The following IKZF3 variants were observed in gnomAD, a reference collection of about 807,000 sequenced individuals.
IKZF3 encodes the protein IKAROS family zinc finger 3, also known as zinc finger protein Aiolos.
Under a neutral mutation model 49.0 loss-of-function variants are expected in IKZF3, and 10 were observed. That is an observed-to-expected ratio of 0.20 (90% CI 0.13 to 0.35). The LOEUF (loss-of-function observed/expected upper bound fraction) is 0.35. IKZF3 is among the 10% of genes least tolerant of loss of function. IKZF3 has a pLI of 1.00. For missense variants in IKZF3, 498 were observed against 664.8 expected, an observed-to-expected ratio of 0.75 and a Z score of 2.76; for synonymous variants, 209 against 228.2, an observed-to-expected ratio of 0.92 and a Z score of 0.76.
intron 7 of IKZF3, among the ~76,000 whole-genome samples, chr17:39,771,460 A>G (rs574314916): frequency 4.1e-4 from 62 of 152,360 alleles, no homozygotes; most frequent in South Asian, 1.0e-3. Flanking sequence ...TTTCATGACA[A>G]ATCAGTATCC....
intron 1 of IKZF3, among the ~76,000 whole-genome samples, chr17:39,860,544 A>G (rs780811921): frequency 2.0e-5 from 3 of 152,246 alleles, no homozygotes; most frequent in Non-Finnish European, 2.9e-5. Flanking sequence ...AAAGAATGAA[A>G]TCATATCCTT....
chr17:39,831,103 C>T (rs924972389), intron 2 of IKZF3, among the ~76,000 whole-genome samples: 4 of 152,024 alleles, frequency 2.6e-5, no homozygotes, highest in African/African-American at 4.8e-5. Context: ...TGTGATTGGC[C>T]GGGTGCGGTG....
At chr17:39,770,259 G>T (rs1163612871) in intron 7 of IKZF3, among the ~76,000 whole-genome samples, 2 of 152,176 alleles carry the variant, frequency 1.3e-5, no homozygotes, top group East Asian at 3.8e-4. Context: ...CGGAGCATCT[G>T]GTCCAGCTTC....
At chr17:39,858,752 C>T (rs887038597) in intron 1 of IKZF3, among the ~76,000 whole-genome samples, 5 of 151,848 alleles carry the variant, frequency 3.3e-5, no homozygotes, top group South Asian at 2.1e-4. Flanking sequence ...TAATATAATA[C>T]GGTAATTCCA....
At chr17:39,856,799 T>G (rs2063073572) in intron 1 of IKZF3, among the ~76,000 whole-genome samples, 1 of 151,526 alleles carries the variant, frequency 6.6e-6, no homozygotes, top group African/African-American at 2.4e-5. Flanking sequence ...AGAGCGAGAC[T>G]CCATCTCAAA....
chr17:39,819,074 CTATT>C (rs1380815440), intron 3 of IKZF3, among the ~76,000 whole-genome samples: 32 of 152,284 alleles, frequency 2.1e-4, no homozygotes, highest in African/African-American at 7.5e-4. Flanking sequence ...TAAGGCGATA[CTATT>C]GTATGGGTTC....
At chr17:39,843,589 T>C (rs2062542586) in intron 1 of IKZF3, among the ~76,000 whole-genome samples, 2 of 152,158 alleles carry the variant, frequency 1.3e-5, no homozygotes, top group African/African-American at 4.8e-5. Flanking sequence ...TTTTAAACCC[T>C]CTGACATTTA....
chr17:39,834,248 T>C (rs1197695242), intron 1 of IKZF3, among the ~76,000 whole-genome samples: 2 of 152,200 alleles, frequency 1.3e-5, no homozygotes, highest in Non-Finnish European at 2.9e-5. Flanking sequence ...ATATATCTAG[T>C]TTCAACACAG....
chr17:39,806,825 A>T (rs1471629395), intron 3 of IKZF3, among the ~76,000 whole-genome samples: 1 of 152,194 alleles, frequency 6.6e-6, no homozygotes, highest in Non-Finnish European at 1.5e-5. Context: ...TGTTTAGGTT[A>T]TAAAAGACTG....
chr17:39,781,389 T>C (rs1330281471), intron 6 of IKZF3, among the ~76,000 whole-genome samples: 2 of 152,072 alleles, frequency 1.3e-5, no homozygotes, highest in South Asian at 2.1e-4. Flanking sequence ...TTTGAGAAGA[T>C]TAAATCCAAG....
intron 7 of IKZF3, among the ~76,000 whole-genome samples, chr17:39,776,954 A>G (rs1188858258): frequency 1.3e-5 from 2 of 152,250 alleles, no homozygotes; most frequent in African/African-American, 4.8e-5. Flanking sequence ...TGTCTACTTC[A>G]CAAATACAAA....
intron 7 of IKZF3, among the ~76,000 whole-genome samples, chr17:39,767,833 A>T (rs1597946033): frequency 1.3e-5 from 2 of 151,850 alleles, no homozygotes; most frequent in Admixed American, 1.3e-4. Flanking sequence ...GAGGCTGAGG[A>T]GGGAGGATCA....
intron 3 of IKZF3, among the ~76,000 whole-genome samples, chr17:39,800,963 T>C (rs1009303287): frequency 2.0e-5 from 3 of 152,150 alleles, no homozygotes; most frequent in Non-Finnish European, 4.4e-5. Context: ...AATAGACAAC[T>C]TGGGTATCTT....
At chr17:39,814,509 G>A (rs2061635220) in intron 3 of IKZF3, among the ~76,000 whole-genome samples, 1 of 152,172 alleles carries the variant, frequency 6.6e-6, no homozygotes, top group African/African-American at 2.4e-5. Context: ...ACCTCAGAAT[G>A]TGACTTTATT....
intron 6 of IKZF3, among the ~76,000 whole-genome samples, chr17:39,782,614 A>G (rs1398844206): frequency 2.0e-5 from 3 of 152,194 alleles, no homozygotes; most frequent in Admixed American, 1.3e-4. Context: ...GCCACTTCAT[A>G]TCTCAGAAAT....
At chr17:39,863,416 C>T (rs1469824268) in intron 1 of IKZF3, among the ~76,000 whole-genome samples, 1 of 151,774 alleles carries the variant, frequency 6.6e-6, no homozygotes, top group African/African-American at 2.4e-5. Context: ...TCCCACCATC[C>T]CCCCCCGAGT....
rs1304920407 is a variant in IKZF3 at position 39,842,047 on chromosome 17, A to C, written c.8-9896T>G. ...GATGACAACAAAGCAAAAAAAAAAA[A>C]AAAAAAAAAAAACCAGATAAAATAT... On this transcript the variant is annotated intron_variant, in intron 1 of 7. Transcript: ENST00000346872. Among the ~76,000 whole-genome samples the C allele has an allele frequency of 2.0e-5, 3 of 147,698 alleles. No individual in the cohort carries two copies. In the East Asian group the frequency reaches 5.9e-4, roughly 29 times the overall value.
chr17:39,797,142 G>A (rs551879970), intron 3 of IKZF3, among the ~76,000 whole-genome samples: 2 of 151,136 alleles, frequency 1.3e-5, no homozygotes, highest in African/African-American at 4.9e-5. Context: ...TCCAGCTTGG[G>A]TGACAAAGTG....
At position 39,792,868 on chromosome 17, in the gene IKZF3, T is replaced by C. The variant is rs369652538; in HGVS notation, c.229A>G (p.Met77Val). 3 of 1,613,904 alleles carry C rather than the reference T, an allele frequency of 1.9e-6. No individual in the cohort carries two copies. The African/African-American group carries it at 4.0e-5, about 22-fold the overall frequency. Residue 77 changes from methionine to valine, a missense_variant, in exon 4 of 8, where the codon ATG (methionine) becomes GTG (valine). Met to Val is a conservative substitution (Grantham distance 21). Coordinates refer to ENST00000346872, the MANE Select transcript of IKZF3 (RefSeq NM_012481.5). ...RDENVLKSEP[M>V]GNAEEPEIPY... is the part of the protein sequence containing the mutation. The stretch of plus-strand genomic sequence containing the variant: ...ATTTCAGGCTCTTCTGCATTTCCCA[T>C]GGGTTCTGACTTTAAAACATTCTCA...
Sources: allele counts gnomAD v4.1 joint callset (sites outside exome capture counted in the v4.1 genomes callset), GRCh38; gene constraint gnomAD v4.1.1; transcripts MANE v1.5; gene names NCBI Gene and HGNC (gene_info 2026-07-23, HGNC 2026-07-21).